Variants in AFF3 observed in about 807,000 individuals in gnomAD.
AFF3 encodes the protein ALF transcription elongation factor 3.
In AFF3, 32 loss-of-function variants were observed where a neutral mutation model predicts 129.7. The ratio of observed to expected loss-of-function variants is 0.25; its 90% CI spans 0.19 to 0.33. The LOEUF (loss-of-function observed/expected upper bound fraction) is 0.33, where lower values mean the gene tolerates loss of function less well. AFF3 is among the 10% of genes least tolerant of loss of function. The pLI, the probability that AFF3 is intolerant of heterozygous loss-of-function variation, is 1.00. For missense variants in AFF3, 1,373 were observed against 1,592.0 expected (o/e 0.86, Z 2.34); for synonymous variants, 644 against 635.4 (o/e 1.01, Z -0.20).
At chr2:99,880,924 C>G (rs1692663790) in intron 7 of AFF3, among the ~76,000 whole-genome samples, 1 of 152,128 alleles carries the variant, frequency 6.6e-6, no homozygotes, top group South Asian at 2.1e-4. Flanking sequence ...CTGTCTACCC[C>G]GCAAGTCCCA....
chr2:99,923,815 A>T (rs1696033960), intron 7 of AFF3, among the ~76,000 whole-genome samples: 1 of 152,228 alleles, frequency 6.6e-6, no homozygotes, highest in Admixed American at 6.5e-5. Context: ...CAAACATATT[A>T]AATGTTTGCT....
intron 8 of AFF3, among the ~76,000 whole-genome samples, chr2:99,804,223 C>T (rs1255962068): frequency 2.0e-5 from 3 of 152,140 alleles, no homozygotes; most frequent in Non-Finnish European, 4.4e-5. Flanking sequence ...CTACAAACAA[C>T]TCAAACAAGT....
rs575307096 is a variant in AFF3, at chr2:100,046,439, C to T, written c.54-37507G>A. ...GTGAGGCTGTAGGAAAAAGAGGAGACGAAGGGACAGGAAAGCAGTCCTCAT... is the reference window on the plus strand; with the variant it reads ...GTGAGGCTGTAGGAAAAAGAGGAGATGAAGGGACAGGAAAGCAGTCCTCAT... On this transcript the variant is annotated intron_variant, in intron 4 of 24. Coordinates refer to ENST00000672756, the MANE Select transcript of AFF3 (RefSeq NM_001386135.1). Among the ~76,000 whole-genome samples, 7 of 152,232 alleles carry T rather than the reference C, an allele frequency of 4.6e-5. No individual in the cohort carries two copies. The East Asian group carries it at 5.8e-4, about 13-fold the overall frequency.
rs1329549358 is a variant in AFF3, at chr2:99,721,815, T to C, written c.1091+5262A>G. Among the ~76,000 whole-genome samples the C allele has an allele frequency of 2.6e-5, 4 of 152,364 alleles. No individual in the cohort carries two copies. The East Asian group carries it at 7.7e-4, about 29-fold the overall frequency. On this transcript the variant is annotated intron_variant, in intron 11 of 24. Coordinates refer to ENST00000672756, the MANE Select transcript of AFF3 (RefSeq NM_001386135.1). ...TTCTTGAATCTATAAATTAATGTTTTCATCCAATTTGGGAAGTTTTCAGCT... is the reference window on the plus strand; with the variant it reads ...TTCTTGAATCTATAAATTAATGTTTCCATCCAATTTGGGAAGTTTTCAGCT...
intron 12 of AFF3, among the ~76,000 whole-genome samples, chr2:99,657,396 T>G (rs1465009996): frequency 6.6e-6 from 1 of 152,208 alleles, no homozygotes; most frequent in South Asian, 2.1e-4. Flanking sequence ...CTAGTCATTT[T>G]TGGGGAGTAT....
chr2:99,808,915 T>G (rs960495926), intron 8 of AFF3, among the ~76,000 whole-genome samples: 3 of 152,200 alleles, frequency 2.0e-5, no homozygotes, highest in African/African-American at 4.8e-5. Flanking sequence ...AACACTGAAT[T>G]TACTTAATGA....
intron 13 of AFF3, among the ~76,000 whole-genome samples, chr2:99,647,942 A>G (rs1375994287): frequency 6.6e-6 from 1 of 152,210 alleles, no homozygotes; most frequent in Non-Finnish European, 1.5e-5. Context: ...ATTAACATCC[A>G]TGGACATTTT....
chr2:100,006,429 T>C, intron 7 of AFF3: 4 of 634,856 alleles, frequency 6.3e-6, no homozygotes, highest in Non-Finnish European at 7.4e-6. Context: ...GCTGGAACTC[T>C]AAAAATTCAA....
intron 8 of AFF3, among the ~76,000 whole-genome samples, chr2:99,786,916 T>A (rs1684838763): frequency 6.6e-6 from 1 of 152,162 alleles, no homozygotes; most frequent in South Asian, 2.1e-4. Flanking sequence ...CATACCATCT[T>A]AGCTAAGCAT....
At chr2:100,050,376 T>C (rs1394840250) in intron 4 of AFF3, among the ~76,000 whole-genome samples, 2 of 152,100 alleles carry the variant, frequency 1.3e-5, no homozygotes, top group African/African-American at 4.8e-5. Context: ...TAGAGTGCAG[T>C]GGCACGATCA....
intron 7 of AFF3, among the ~76,000 whole-genome samples, chr2:99,998,438 C>T (rs1251722013): frequency 6.6e-6 from 1 of 151,460 alleles, no homozygotes; most frequent in Admixed American, 6.6e-5. Context: ...GAGCATCCCT[C>T]GGGGGATGGA....
chr2:99,616,944 T>A (rs138832962), intron 13 of AFF3, among the ~76,000 whole-genome samples: 1 of 152,324 alleles, frequency 6.6e-6, no homozygotes, highest in African/African-American at 2.4e-5. Context: ...TTTCACTTAG[T>A]GTAATGTTTT....
intron 2 of AFF3, among the ~76,000 whole-genome samples, chr2:100,108,661 A>T (rs917220934): frequency 6.6e-6 from 1 of 152,152 alleles, no homozygotes; most frequent in African/African-American, 2.4e-5. Flanking sequence ...GAGGGTAGAA[A>T]GGGGGCCAAT....
chr2:99,592,102 A>T (rs568652878), intron 15 of AFF3, among the ~76,000 whole-genome samples: 4 of 152,190 alleles, frequency 2.6e-5, no homozygotes, highest in Non-Finnish European at 5.9e-5. Flanking sequence ...AGATACAGTA[A>T]CAGGAGGGGT....
At chr2:99,827,401 C>T (rs989807287) in intron 8 of AFF3, among the ~76,000 whole-genome samples, 1 of 152,104 alleles carries the variant, frequency 6.6e-6, no homozygotes, top group Non-Finnish European at 1.5e-5. Context: ...TGAGCATTTT[C>T]ACGTGGATCC....
intron 11 of AFF3, among the ~76,000 whole-genome samples, chr2:99,687,519 G>A (rs1487364531): frequency 1.3e-5 from 2 of 152,138 alleles, no homozygotes; most frequent in African/African-American, 2.4e-5. Context: ...TTCAAGCCAC[G>A]AGGCTGAGCT....
chr2:99,894,475 T>A (rs566036626), intron 7 of AFF3, among the ~76,000 whole-genome samples: 4 of 151,854 alleles, frequency 2.6e-5, no homozygotes, highest in Admixed American at 1.3e-4. Flanking sequence ...CAGGAATTTT[T>A]TTTTTTTTTT....
intron 8 of AFF3, among the ~76,000 whole-genome samples, chr2:99,824,887 G>A (rs1366765): frequency 0.61 from 92,762 of 152,046 alleles, 29,919 homozygotes; most frequent in South Asian, 0.79. Context: ...AATGGCTCAT[G>A]TTCAAAAAAC....
chr2:99,564,944 A>G (rs1359323943), intron 20 of AFF3, among the ~76,000 whole-genome samples: 1 of 152,162 alleles, frequency 6.6e-6, no homozygotes, highest in Non-Finnish European at 1.5e-5. Context: ...GGTCTCCATC[A>G]TGGAGGATAA....
Sources: allele counts gnomAD v4.1 joint callset (sites outside exome capture counted in the v4.1 genomes callset), GRCh38; gene constraint gnomAD v4.1.1; transcripts MANE v1.5; gene names NCBI Gene and HGNC (gene_info 2026-07-23, HGNC 2026-07-21).